Variants in PTPRD observed in about 807,000 individuals in gnomAD.
PTPRD encodes protein tyrosine phosphatase receptor type D, also known as receptor-type tyrosine-protein phosphatase delta.
PTPRD carries 34 observed loss-of-function variants against 214.5 expected under a neutral mutation model. That is an observed-to-expected ratio of 0.16 (90% CI 0.12 to 0.21). The LOEUF (loss-of-function observed/expected upper bound fraction) is 0.21. Ranked by LOEUF, PTPRD falls within the 10% of genes least tolerant of loss-of-function variation. The pLI is 1.00. For missense variants in PTPRD, 2,545 were observed against 2,398.7 expected (o/e 1.06, Z -1.27); for synonymous variants, 1,128 against 845.7 (o/e 1.33, Z -5.79).
intron 3 of PTPRD, among the ~76,000 whole-genome samples, chr9:10,209,132 T>A (rs535889229): frequency 6.6e-6 from 1 of 152,212 alleles, no homozygotes; most frequent in Non-Finnish European, 1.5e-5. Context: ...ATTTATGAAA[T>A]TGTATTGCAT....
intron 11 of PTPRD, among the ~76,000 whole-genome samples, chr9:8,821,959 G>T (rs929321038): frequency 6.6e-6 from 1 of 152,168 alleles, no homozygotes; most frequent in Non-Finnish European, 1.5e-5. Context: ...CACCCATCTG[G>T]CCTGAAAACT....
intron 5 of PTPRD, among the ~76,000 whole-genome samples, chr9:9,819,153 G>C (rs1021302370): frequency 3.3e-5 from 5 of 152,104 alleles, no homozygotes; most frequent in African/African-American, 7.2e-5. Context: ...GGCAGAGATT[G>C]GTAAGGAACA....
At chr9:9,864,144 A>C (rs771709212) in intron 5 of PTPRD, among the ~76,000 whole-genome samples, 1 of 151,996 alleles carries the variant, frequency 6.6e-6, no homozygotes, top group Non-Finnish European at 1.5e-5. Context: ...ACCTCTACTA[A>C]AAAATACAAA....
intron 5 of PTPRD, among the ~76,000 whole-genome samples, chr9:9,859,573 G>A (rs1236883636): frequency 6.6e-6 from 1 of 152,174 alleles, no homozygotes; most frequent in African/African-American, 2.4e-5. Context: ...CACCTTCAAG[G>A]AGAGAATGCT....
At chr9:10,321,111 G>C (rs144206242) in intron 3 of PTPRD, among the ~76,000 whole-genome samples, 163 of 152,070 alleles carry the variant, frequency 1.1e-3, no homozygotes, top group African/African-American at 3.8e-3. Context: ...TTCTCATGCA[G>C]CTTTAGTAAT....
chr9:8,508,485 T>C (rs909595481), intron 21 of PTPRD, among the ~76,000 whole-genome samples: 1 of 152,122 alleles, frequency 6.6e-6, no homozygotes, highest in Non-Finnish European at 1.5e-5. Context: ...ATTTTGATCA[T>C]TACCCTTGAT....
intron 15 of PTPRD, 36 bp downstream of exon 15, chr9:8,528,555 C>A (rs200059690): frequency 1.0e-5 from 16 of 1,562,356 alleles, no homozygotes; most frequent in African/African-American, 2.7e-5. Context: ...AAAAAAAATT[C>A]TCTAGGAGTT....
At chr9:9,383,019 C>G (rs973143979) in intron 9 of PTPRD, among the ~76,000 whole-genome samples, 16 of 147,034 alleles carry the variant, frequency 1.1e-4, no homozygotes, top group Admixed American at 6.1e-4. Flanking sequence ...ATGGGTGAAT[C>G]TGAAGGACAT....
chr9:8,691,276 C>T (rs986910735), intron 12 of PTPRD, among the ~76,000 whole-genome samples: 3 of 151,870 alleles, frequency 2.0e-5, no homozygotes, highest in Non-Finnish European at 2.9e-5. Flanking sequence ...CAAACATATG[C>T]GTATCCACTA....
intron 3 of PTPRD, among the ~76,000 whole-genome samples, chr9:10,207,692 A>G (rs1042056037): frequency 1.3e-5 from 2 of 151,778 alleles, no homozygotes; most frequent in Non-Finnish European, 2.9e-5. Context: ...CTTGTCATTT[A>G]TATCTTGTTC....
chr9:9,492,441 AG>A (rs1370598397), intron 8 of PTPRD, among the ~76,000 whole-genome samples: 3 of 152,138 alleles, frequency 2.0e-5, no homozygotes, highest in African/African-American at 7.2e-5. Flanking sequence ...GCATGTTAAC[AG>A]GATTATGTAC....
intron 3 of PTPRD, among the ~76,000 whole-genome samples, chr9:10,146,787 G>T (rs1017729870): frequency 2.0e-5 from 3 of 152,072 alleles, no homozygotes; most frequent in African/African-American, 7.2e-5. Flanking sequence ...AAAAAAAGAG[G>T]TTTGGGGAGA....
chr9:9,948,743 A>T (rs2093103384), intron 4 of PTPRD, among the ~76,000 whole-genome samples: 1 of 152,078 alleles, frequency 6.6e-6, no homozygotes, highest in South Asian at 2.1e-4. Context: ...AAGATAAGAG[A>T]AAGGAGATTT....
intron 11 of PTPRD, among the ~76,000 whole-genome samples, chr9:8,833,698 CTCTA>C (rs1339599421): frequency 5.2e-5 from 6 of 115,498 alleles, no homozygotes; most frequent in Non-Finnish European, 9.3e-5. Flanking sequence ...CTCTCTCTCT[CTCTA>C]TATATATATA....
At chr9:8,828,346 T>C (rs868065301) in intron 11 of PTPRD, among the ~76,000 whole-genome samples, 25 of 152,298 alleles carry the variant, frequency 1.6e-4, no homozygotes, top group Non-Finnish European at 2.9e-4. Context: ...TGAACAGGAA[T>C]AGTGCTCTTA....
At chr9:10,060,498 T>C (rs972866817) in intron 3 of PTPRD, among the ~76,000 whole-genome samples, 1 of 152,050 alleles carries the variant, frequency 6.6e-6, no homozygotes, top group Non-Finnish European at 1.5e-5. Context: ...ATATGAGGTA[T>C]AATTTCATTT....
chr9:9,560,273 T>C (rs1223868634), intron 8 of PTPRD, among the ~76,000 whole-genome samples: 3 of 152,224 alleles, frequency 2.0e-5, no homozygotes, highest in Non-Finnish European at 4.4e-5. Flanking sequence ...GGACCACCCC[T>C]GGACCTAATA....
At chr9:9,949,465 G>A (rs1190766600) in intron 4 of PTPRD, among the ~76,000 whole-genome samples, 5 of 151,860 alleles carry the variant, frequency 3.3e-5, no homozygotes, top group Non-Finnish European at 7.4e-5. Flanking sequence ...AATCACTCTT[G>A]TTTTCCTTCC....
intron 3 of PTPRD, among the ~76,000 whole-genome samples, chr9:10,236,442 C>T (rs148727907): frequency 0.013 from 2,029 of 151,988 alleles, 19 homozygotes; most frequent in Non-Finnish European, 0.023. Flanking sequence ...TTCTTTCCAT[C>T]AATTCCATGT....
Sources: gnomAD v4.1 joint callset for allele counts (sites outside exome capture counted in the v4.1 genomes callset) on GRCh38, gnomAD v4.1.1 for gene constraint, MANE v1.5 for transcripts, NCBI Gene and HGNC (gene_info 2026-07-23, HGNC 2026-07-21) for gene names.